Variants in CSMD1 observed in about 807,000 individuals in gnomAD.
The protein encoded by CSMD1 is CUB and sushi domain-containing protein 1.
A neutral mutation model predicts 417.5 loss-of-function variants in CSMD1; 213 were observed. The ratio of observed to expected loss-of-function variants is 0.51; its 90% CI spans 0.46 to 0.57. The LOEUF is 0.57. Ranked by LOEUF, CSMD1 falls within the 20% of genes least tolerant of loss-of-function variation. The pLI is 0.00. For synonymous variants in CSMD1, 2,862 were observed against 1,736.8 expected, an observed-to-expected ratio of 1.65 and a Z score of -16.11; for missense variants, 6,923 against 4,529.7, an observed-to-expected ratio of 1.53 and a Z score of -15.17.
intron 2 of CSMD1, among the ~76,000 whole-genome samples, chr8:4,547,732 G>A (rs1797696015): frequency 6.6e-6 from 1 of 152,222 alleles, no homozygotes; most frequent in South Asian, 2.1e-4. Context: ...ATAAGCAGAT[G>A]ATTCTGATAC....
chr8:4,259,951 G>A (rs946311789), intron 3 of CSMD1, among the ~76,000 whole-genome samples: 1 of 151,894 alleles, frequency 6.6e-6, no homozygotes, highest in South Asian at 2.1e-4. Context: ...GCTAACAAAT[G>A]TAATTGTTTC....
intron 47 of CSMD1, among the ~76,000 whole-genome samples, chr8:3,091,984 C>T (rs576254787): frequency 3.6e-4 from 54 of 152,022 alleles, no homozygotes; most frequent in Non-Finnish European, 7.4e-4. Context: ...ATTGTACTTA[C>T]ACAGGAAAAT....
intron 3 of CSMD1, among the ~76,000 whole-genome samples, chr8:4,406,351 A>C (rs1805020239): frequency 6.6e-6 from 1 of 152,184 alleles, no homozygotes; most frequent in Middle Eastern, 3.2e-3. Flanking sequence ...GACAGAATTT[A>C]GGGAAAGAGA....
intron 12 of CSMD1, among the ~76,000 whole-genome samples, chr8:3,456,666 C>T (rs1444496008): frequency 6.6e-6 from 1 of 152,158 alleles, no homozygotes; most frequent in Non-Finnish European, 1.5e-5. Flanking sequence ...GTGGCAATCA[C>T]ATCTTCAGCT....
At chr8:4,653,961 T>C (rs528709072) in intron 1 of CSMD1, among the ~76,000 whole-genome samples, 25 of 152,208 alleles carry the variant, frequency 1.6e-4, no homozygotes, top group Admixed American at 3.3e-4. Context: ...TAGGATTGGA[T>C]TGGTTTCATT....
At chr8:4,608,828 G>A (rs1357272455) in intron 2 of CSMD1, among the ~76,000 whole-genome samples, 6 of 152,154 alleles carry the variant, frequency 3.9e-5, no homozygotes, top group Admixed American at 3.3e-4. Flanking sequence ...AGGCATATGG[G>A]CAGAAGAAGA....
At chr8:4,684,372 G>A (rs2116729355) in intron 1 of CSMD1, among the ~76,000 whole-genome samples, 1 of 152,310 alleles carries the variant, frequency 6.6e-6, no homozygotes, top group African/African-American at 2.4e-5. Context: ...TGAACTCTAT[G>A]AAGAAACTTA....
chr8:3,706,757 T>C (rs1563293150), intron 7 of CSMD1, among the ~76,000 whole-genome samples: 1 of 150,572 alleles, frequency 6.6e-6, no homozygotes, highest in Non-Finnish European at 1.5e-5. Context: ...GGTTTTATCA[T>C]AAAAATCATT....
chr8:4,953,736 T>G (rs188146421), intron 1 of CSMD1, among the ~76,000 whole-genome samples: 42 of 152,310 alleles, frequency 2.8e-4, no homozygotes, highest in African/African-American at 8.7e-4. Context: ...AAGATTTGGA[T>G]GGAGATCAAT....
At chr8:3,286,892 C>T (rs1366703063) in intron 25 of CSMD1, among the ~76,000 whole-genome samples, 2 of 152,222 alleles carry the variant, frequency 1.3e-5, no homozygotes, top group East Asian at 3.9e-4. Flanking sequence ...ACATGAAGTC[C>T]TTGCCCATGC....
At chr8:4,248,418 A>T (rs772423685) in intron 3 of CSMD1, among the ~76,000 whole-genome samples, 24 of 152,212 alleles carry the variant, frequency 1.6e-4, no homozygotes, top group Non-Finnish European at 2.9e-4. Flanking sequence ...ATAAAAGAAG[A>T]GAGCCCGTCC....
intron 26 of CSMD1, among the ~76,000 whole-genome samples, chr8:3,279,892 C>G (rs1584919761): frequency 6.6e-6 from 1 of 152,164 alleles, no homozygotes; most frequent in Non-Finnish European, 1.5e-5. Flanking sequence ...TCCACCTGGT[C>G]CCACCCTTGA....
chr8:4,270,261 T>G (rs1410066421), intron 3 of CSMD1, among the ~76,000 whole-genome samples: 3 of 152,178 alleles, frequency 2.0e-5, no homozygotes, highest in African/African-American at 7.2e-5. Context: ...CAAATAGTTC[T>G]CATTTTTAAT....
At chr8:3,884,393 G>A (rs1523257) in intron 5 of CSMD1, among the ~76,000 whole-genome samples, 83,264 of 151,966 alleles carry the variant, frequency 0.55, 25,630 homozygotes, top group Admixed American at 0.68. Flanking sequence ...GCCAAAAGTG[G>A]CATCTTCTAG....
intron 2 of CSMD1, among the ~76,000 whole-genome samples, chr8:4,602,393 T>A (rs11136757): frequency 6.6e-6 from 1 of 151,946 alleles, no homozygotes. Context: ...ACTATTAATT[T>A]GCTGGTCCAA....
chr8:4,949,703 T>C (rs944981849), intron 1 of CSMD1, among the ~76,000 whole-genome samples: 1 of 152,196 alleles, frequency 6.6e-6, no homozygotes, highest in Non-Finnish European at 1.5e-5. Flanking sequence ...AGAATTTTAA[T>C]GGGATCATTT....
At chr8:4,264,235 G>C (rs192213762) in intron 3 of CSMD1, among the ~76,000 whole-genome samples, 1 of 152,080 alleles carries the variant, frequency 6.6e-6, no homozygotes, top group Admixed American at 6.6e-5. Flanking sequence ...GAATTTCCTC[G>C]TCTTAGGAAT....
intron 4 of CSMD1, among the ~76,000 whole-genome samples, chr8:3,998,333 G>A (rs1815387256): frequency 6.6e-6 from 1 of 152,144 alleles, no homozygotes; most frequent in African/African-American, 2.4e-5. Context: ...GCCATTGCGG[G>A]AAAGATGGAA....
intron 12 of CSMD1, among the ~76,000 whole-genome samples, chr8:3,462,265 G>T (rs746692788): frequency 6.6e-6 from 1 of 152,118 alleles, no homozygotes; most frequent in Admixed American, 6.5e-5. Flanking sequence ...GCTTCAGTTT[G>T]GAAGACTATA....
Sources: gnomAD v4.1 joint callset for allele counts (sites outside exome capture counted in the v4.1 genomes callset) on GRCh38, gnomAD v4.1.1 for gene constraint, MANE v1.5 for transcripts, NCBI Gene and HGNC (gene_info 2026-07-23, HGNC 2026-07-21) for gene names.